The following DISC1 variants were observed in gnomAD, a reference collection of about 807,000 sequenced individuals.
DISC1 encodes the protein DISC1 scaffold protein.
DISC1 carries 57 observed loss-of-function variants against 84.5 expected under a neutral mutation model. The ratio of observed to expected loss-of-function variants is 0.67; its 90% CI spans 0.55 to 0.84. DISC1 has a LOEUF of 0.84. DISC1 is among the 40% of genes least tolerant of loss of function. The pLI is 0.00. For missense variants in DISC1, 1,000 were observed against 1,057.8 expected (o/e 0.95, Z 0.76); for synonymous variants, 411 against 415.2 (o/e 0.99, Z 0.12).
rs117114133 is a variant in DISC1, at chr1:231,812,991, T to C, written c.1793-5338T>C. Among the ~76,000 whole-genome samples, 9 of 152,308 alleles carry C rather than the reference T, an allele frequency of 5.9e-5. No homozygotes were observed. The East Asian group carries it at 1.7e-3, about 29-fold the overall frequency. ...ACACTCACTCTGCTCTTTTAAAATG[T>C]TCACTTTTATCACTGTGCATTTTCC... On this transcript the variant is annotated intron_variant, in intron 8 of 12. Transcript: ENST00000439617.
rs374604606 is a variant in DISC1 at position 231,943,854 on chromosome 1, G to T, written c.1982-14974G>T. The stretch of plus-strand genomic sequence containing the variant: ...TTCTCCTACCTCAGCTTCCTGAGTA[G>T]CTGGGACTATGGACATGTGCCACTA... On this transcript the variant is annotated intron_variant, in intron 9 of 12. Transcript: ENST00000439617. 4 of 152,040 alleles carry T rather than the reference G, an allele frequency of 2.6e-5. No individual in the cohort carries two copies. The East Asian group carries it at 7.8e-4, about 30-fold the overall frequency. 9.4% of individuals were successfully genotyped at this position (152,040 alleles called of 1,614,324 possible). A position where few individuals can be genotyped will look rare whatever the true frequency, so the allele number is the denominator to read the frequency against.
chr1:231,810,247 C>CAAGG (rs2080167760), intron 8 of DISC1, among the ~76,000 whole-genome samples: 1 of 152,174 alleles, frequency 6.6e-6, no homozygotes. Flanking sequence ...ACACAGTGCT[C>CAAGG]CTGTGTCTGC....
intron 9 of DISC1, among the ~76,000 whole-genome samples, chr1:231,849,059 G>T (rs910291253): frequency 6.6e-6 from 1 of 151,796 alleles, no homozygotes; most frequent in Non-Finnish European, 1.5e-5. Context: ...TACCTGCTGA[G>T]CTTCTTGATA....
At chr1:231,936,123 C>G (rs1168537038) in intron 9 of DISC1, among the ~76,000 whole-genome samples, 1 of 152,190 alleles carries the variant, frequency 6.6e-6, no homozygotes, top group African/African-American at 2.4e-5. Flanking sequence ...AGGAACCACC[C>G]TGAGCTGACC....
At chr1:231,905,927 A>C (rs556304220) in intron 9 of DISC1, among the ~76,000 whole-genome samples, 9 of 152,060 alleles carry the variant, frequency 5.9e-5, no homozygotes, top group Non-Finnish European at 8.8e-5. Context: ...AACAACTCTC[A>C]AATGGTCCAG....
At chr1:231,651,358 C>G (rs2060607056) in intron 1 of DISC1, among the ~76,000 whole-genome samples, 1 of 152,204 alleles carries the variant, frequency 6.6e-6, no homozygotes, top group African/African-American at 2.4e-5. Context: ...TGCTGGAGGT[C>G]CACTCCAGAC....
At chr1:231,761,149 T>TG (rs981938748) in intron 4 of DISC1, among the ~76,000 whole-genome samples, 33 of 152,294 alleles carry the variant, frequency 2.2e-4, no homozygotes, top group African/African-American at 7.5e-4. Flanking sequence ...GATGGAGACC[T>TG]GTATGACACT....
chr1:231,911,917 T>C (rs1052109546), intron 9 of DISC1, among the ~76,000 whole-genome samples: 5 of 152,188 alleles, frequency 3.3e-5, no homozygotes, highest in Non-Finnish European at 7.3e-5. Context: ...CTTCATTTCA[T>C]TCATTGATCT....
At chr1:231,905,583 C>T (rs1400226895) in intron 9 of DISC1, among the ~76,000 whole-genome samples, 1 of 151,998 alleles carries the variant, frequency 6.6e-6, no homozygotes, top group Non-Finnish European at 1.5e-5. Context: ...GATTGTGTCA[C>T]TGCATTCCAG....
chr1:231,840,435 C>T (rs897832838), intron 9 of DISC1, among the ~76,000 whole-genome samples: 1 of 152,180 alleles, frequency 6.6e-6, no homozygotes, highest in Admixed American at 6.5e-5. Context: ...GAATAACAAA[C>T]TATGGTACCT....
chr1:231,729,717 T>A (rs1390085595), intron 3 of DISC1, among the ~76,000 whole-genome samples: 1 of 151,828 alleles, frequency 6.6e-6, no homozygotes, highest in East Asian at 1.9e-4. Flanking sequence ...GGGTTTTTTT[T>A]TTTTTTTGAC....
At chr1:231,886,792 T>TTTCTTTCC (rs1553384581) in intron 9 of DISC1, among the ~76,000 whole-genome samples, 9 of 143,556 alleles carry the variant, frequency 6.3e-5, no homozygotes, top group African/African-American at 2.1e-4. Context: ...TCTTTCTTTC[T>TTTCTTTCC]TTCTTTCTTT....
At chr1:231,704,960 C>T (rs2066879590) in intron 3 of DISC1, among the ~76,000 whole-genome samples, 1 of 151,940 alleles carries the variant, frequency 6.6e-6, no homozygotes. Flanking sequence ...AGATCTGCAT[C>T]TCAAGGAGTA....
chr1:231,808,722 G>A (rs546247921), intron 8 of DISC1, among the ~76,000 whole-genome samples: 1 of 152,334 alleles, frequency 6.6e-6, no homozygotes, highest in South Asian at 2.1e-4. Context: ...ATGTCTTTGT[G>A]GCTCTTGCCT....
At chr1:231,811,419 G>A (rs928261068) in intron 8 of DISC1, among the ~76,000 whole-genome samples, 5 of 152,210 alleles carry the variant, frequency 3.3e-5, no homozygotes, top group African/African-American at 9.6e-5. Flanking sequence ...TTGCTTAACT[G>A]TGCACTTGAG....
chr1:231,903,715 G>A (rs887977258), intron 9 of DISC1, among the ~76,000 whole-genome samples: 1 of 152,192 alleles, frequency 6.6e-6, no homozygotes, highest in African/African-American at 2.4e-5. Context: ...GCATCTGTGA[G>A]GAGCTGCTAG....
chr1:231,915,820 G>A (rs2089584190), intron 9 of DISC1, among the ~76,000 whole-genome samples: 2 of 152,138 alleles, frequency 1.3e-5, no homozygotes, highest in African/African-American at 4.8e-5. Flanking sequence ...CCACTATTAT[G>A]TGGATGCAGA....
At chr1:231,816,273 T>C (rs549166400) in intron 8 of DISC1, among the ~76,000 whole-genome samples, 2 of 152,342 alleles carry the variant, frequency 1.3e-5, no homozygotes, top group South Asian at 4.1e-4. Context: ...GTTAAGTCAT[T>C]TGACCATTTT....
chr1:231,771,188 TGG>T, intron 6 of DISC1, 118 bp downstream of exon 6: 1 of 1,457,696 alleles, frequency 6.9e-7, no homozygotes, highest in Non-Finnish European at 9.1e-7. Flanking sequence ...TATTTTTCAG[TGG>T]AAGCACCATT....
Sources: gnomAD v4.1 joint callset for allele counts (sites outside exome capture counted in the v4.1 genomes callset) on GRCh38, gnomAD v4.1.1 for gene constraint, MANE v1.5 for transcripts, NCBI Gene and HGNC (gene_info 2026-07-23, HGNC 2026-07-21) for gene names.